EML4: variants seen among roughly 807,000 people sequenced by gnomAD.
The protein encoded by EML4 is EMAP like 4, also known as echinoderm microtubule-associated protein-like 4.
A neutral mutation model predicts 129.0 loss-of-function variants in EML4; 72 were observed. The ratio of observed to expected loss-of-function variants is 0.56; its 90% confidence interval spans 0.46 to 0.68. The LOEUF (loss-of-function observed/expected upper bound fraction) is 0.68. Ranked by LOEUF, EML4 falls within the 30% of genes least tolerant of loss-of-function variation. EML4 has a pLI of 0.00. For missense variants in EML4, 1,363 were observed against 1,190.6 expected (o/e 1.14, Z -2.13); for synonymous variants, 532 against 405.0 (o/e 1.31, Z -3.77).
At chr2:42,251,156 T>A (rs1481346433) in intron 2 of EML4, among the ~76,000 whole-genome samples, 1 of 152,188 alleles carries the variant, frequency 6.6e-6, no homozygotes, top group African/African-American at 2.4e-5. Context: ...AAGGTACCAG[T>A]CTGTGGCCCA....
chr2:42,197,567 GAAAA>G (rs1298039836), intron 1 of EML4, among the ~76,000 whole-genome samples: 2 of 138,584 alleles, frequency 1.4e-5, no homozygotes, highest in African/African-American at 2.7e-5. Context: ...ATAGTCTTCA[GAAAA>G]AAAAAACAAA....
chr2:42,253,147 T>A (rs1169367267), intron 2 of EML4, among the ~76,000 whole-genome samples: 1 of 152,168 alleles, frequency 6.6e-6, no homozygotes, highest in Non-Finnish European at 1.5e-5. Flanking sequence ...GTACTTAGTT[T>A]AGGAATTCAG....
chr2:42,323,925 A>G (rs758786046), intron 19 of EML4, among the ~76,000 whole-genome samples: 1 of 149,892 alleles, frequency 6.7e-6, no homozygotes, highest in Admixed American at 6.6e-5. Flanking sequence ...GCCTGGGTGA[A>G]CGAGTGAGAC....
intron 1 of EML4, among the ~76,000 whole-genome samples, chr2:42,213,791 A>G (rs1427960701): frequency 6.6e-6 from 1 of 152,248 alleles, no homozygotes; most frequent in African/African-American, 2.4e-5. Flanking sequence ...AGAATAGTTT[A>G]CATTTATATT....
At chr2:42,202,198 A>T (rs1256952368) in intron 1 of EML4, among the ~76,000 whole-genome samples, 1 of 152,176 alleles carries the variant, frequency 6.6e-6, no homozygotes, top group African/African-American at 2.4e-5. Flanking sequence ...TGGACAAGAG[A>T]AATAGATCCT....
chr2:42,322,207 T>C (rs1669562167), intron 19 of EML4, among the ~76,000 whole-genome samples: 1 of 152,226 alleles, frequency 6.6e-6, no homozygotes. Flanking sequence ...AATAGACTTC[T>C]CTACCTGTAT....
intron 17 of EML4, 49 bp from the exon 18 acceptor site, chr2:42,315,913 C>A: frequency 7.4e-7 from 1 of 1,345,116 alleles, no homozygotes; most frequent in Non-Finnish European, 1.0e-6. Flanking sequence ...CTTTTTTTTT[C>A]TATAAATGCT....
rs546489830 is a variant in EML4, at chr2:42,264,452, G to A, written c.642-254G>A. On this transcript the variant is annotated intron_variant, in intron 5 of 22. Transcript: ENST00000318522. Reference sequence around the variant, plus strand: ...ATCTTAATAATCATATAAGATTTGAGTATTTTTCATAAGTTATTTTTATGC... The same window carrying A: ...ATCTTAATAATCATATAAGATTTGAATATTTTTCATAAGTTATTTTTATGC... Among the ~76,000 whole-genome samples, 4 of 152,252 alleles carry A rather than the reference G, an allele frequency of 2.6e-5. No individual in the cohort carries two copies. In the East Asian group the frequency reaches 7.7e-4, roughly 29 times the overall value.
intron 2 of EML4, among the ~76,000 whole-genome samples, chr2:42,251,730 A>AT (rs1675781956): frequency 6.6e-6 from 1 of 152,216 alleles, no homozygotes; most frequent in South Asian, 2.1e-4. Flanking sequence ...TAAATAGAAG[A>AT]TTTGGGATAT....
Position 42,245,524 on chromosome 2 carries a change from A to C in EML4, c.45A>C (p.Ala15=). The C allele has an allele frequency of 6.2e-7, 1 of 1,612,958 alleles. No individual in the cohort carries two copies. The highest frequency in any genetic ancestry group is 8.5e-7 in the Non-Finnish European group (1 of 1,179,274). Residue 15 remains alanine, a synonymous_variant, in exon 2 of 23, where the codon GCA becomes GCC. Coordinates refer to ENST00000318522, the MANE Select transcript of EML4 (RefSeq NM_019063.5). ...TTATAGATGATAGTATTTCTGCTGC[A>C]AGTACTTCTGATGTTCAAGATCGCC... ...AGSLDDSISA[A]STSDVQDRLS... is the part of the protein sequence containing the mutation.
At chr2:42,329,703 T>G in intron 22 of EML4, 31 bp from the exon 23 acceptor site, 1 of 1,580,188 alleles carries the variant, frequency 6.3e-7, no homozygotes, top group Non-Finnish European at 8.7e-7. Flanking sequence ...ATGAGTTTAA[T>G]TTTCCTGTCT....
intron 10 of EML4, among the ~76,000 whole-genome samples, chr2:42,286,698 A>AT (rs1667327598): frequency 6.6e-6 from 1 of 152,224 alleles, no homozygotes; most frequent in Non-Finnish European, 1.5e-5. Context: ...CAGACAAGCA[A>AT]TAGGATGCAT....
intron 6 of EML4, among the ~76,000 whole-genome samples, chr2:42,277,289 GTAAACTATACAAA>G (rs1345392856): frequency 6.6e-6 from 1 of 152,166 alleles, no homozygotes; most frequent in Non-Finnish European, 1.5e-5. Context: ...ACTTAAAAGA[GTAAACTATACAAA>G]TAAGGACAAG....
At chr2:42,296,477 T>TTCTC (rs10689031) in intron 13 of EML4, among the ~76,000 whole-genome samples, 17 of 148,918 alleles carry the variant, frequency 1.1e-4, no homozygotes, top group South Asian at 4.3e-4. Flanking sequence ...CACCTTATAC[T>TTCTC]TCTCTCTCTC....
chr2:42,266,919 G>C (rs1167332128), intron 6 of EML4, among the ~76,000 whole-genome samples: 1 of 152,204 alleles, frequency 6.6e-6, no homozygotes, highest in East Asian at 1.9e-4. Context: ...TGAGGAGAAG[G>C]AGATGTGTGG....
intron 1 of EML4, among the ~76,000 whole-genome samples, chr2:42,206,600 C>T (rs1361965837): frequency 6.6e-6 from 1 of 152,044 alleles, no homozygotes; most frequent in African/African-American, 2.4e-5. Context: ...CTTTTTTGTT[C>T]CTTTTATGAC....
chr2:42,237,399 G>T (rs1056740385), intron 1 of EML4, among the ~76,000 whole-genome samples: 7 of 152,052 alleles, frequency 4.6e-5, no homozygotes, highest in African/African-American at 1.2e-4. Flanking sequence ...GGACCTTCCT[G>T]TTTGTAGGAT....
At chr2:42,238,609 T>G (rs1674828188) in intron 1 of EML4, among the ~76,000 whole-genome samples, 1 of 122,214 alleles carries the variant, frequency 8.2e-6, no homozygotes. Flanking sequence ...TAATTTTGTT[T>G]TTATTTTTTT....
At chr2:42,251,753 C>G (rs563992644) in intron 2 of EML4, among the ~76,000 whole-genome samples, 2 of 152,336 alleles carry the variant, frequency 1.3e-5, no homozygotes, top group South Asian at 2.1e-4. Context: ...ACTAGACTAT[C>G]TCTACCCTTC....
Sources: gnomAD v4.1 joint callset for allele counts (sites outside exome capture counted in the v4.1 genomes callset) on GRCh38, gnomAD v4.1.1 for gene constraint, MANE v1.5 for transcripts, NCBI Gene and HGNC (gene_info 2026-07-23, HGNC 2026-07-21) for gene names.